SLIT2: variants seen among roughly 807,000 people sequenced by gnomAD.
The protein encoded by SLIT2 is slit homolog 2 protein.
SLIT2 carries 41 observed loss-of-function variants against 185.7 expected under a neutral mutation model. The observed-to-expected ratio is 0.22, with a 90% confidence interval of 0.17 to 0.29. The LOEUF is 0.29. Among genes scored for constraint, SLIT2 ranks in the 10% least tolerant of loss-of-function variants. The pLI is 1.00. For synonymous variants in SLIT2, 693 were observed against 680.2 expected (o/e 1.02, Z -0.29); for missense variants, 1,571 against 1,909.0 (o/e 0.82, Z 3.30).
In SLIT2 at chr4:20,374,047, T is replaced by C. The variant is rs145938242; in HGVS notation, c.396-93705T>C. Among the ~76,000 whole-genome samples the C allele has an allele frequency of 4.3e-3, 652 of 152,222 alleles. 3 individuals carry two copies. Among genetic ancestry groups the C allele is most frequent in the African/African-American group, 0.013 (560 of 41,554 alleles). Reference sequence around the variant, plus strand: ...CAATACAATTTAAACTGCCTAAGTGTGAATCTTGGCTCAGCCACTTTTGGA... The same window carrying C: ...CAATACAATTTAAACTGCCTAAGTGCGAATCTTGGCTCAGCCACTTTTGGA... On this transcript the variant is annotated intron_variant, in intron 4 of 36. Transcript: ENST00000504154.
chr4:20,425,372 T>C (rs1187283055), intron 4 of SLIT2, among the ~76,000 whole-genome samples: 1 of 152,012 alleles, frequency 6.6e-6, no homozygotes, highest in Non-Finnish European at 1.5e-5. Context: ...ATCAAAAAAA[T>C]AAATAAATAA....
chr4:20,507,314 G>A (rs1376783769), intron 9 of SLIT2, among the ~76,000 whole-genome samples: 1 of 151,858 alleles, frequency 6.6e-6, no homozygotes, highest in Non-Finnish European at 1.5e-5. Flanking sequence ...ATATTTGAGT[G>A]TCATTAGAAA....
intron 22 of SLIT2, 66 bp from the exon 23 acceptor site, chr4:20,548,422 T>C: frequency 2.4e-6 from 2 of 822,602 alleles, no homozygotes; most frequent in South Asian, 1.5e-5. Flanking sequence ...CCCTTCTCCT[T>C]CTAAGAATCA....
intron 4 of SLIT2, among the ~76,000 whole-genome samples, chr4:20,441,126 T>C (rs1019907661): frequency 1.2e-4 from 18 of 152,220 alleles, no homozygotes; most frequent in African/African-American, 9.6e-5. Context: ...CTTTTAATAC[T>C]GACTTTAAAT....
intron 4 of SLIT2, among the ~76,000 whole-genome samples, chr4:20,445,023 T>C (rs535625988): frequency 6.6e-6 from 1 of 152,308 alleles, no homozygotes; most frequent in East Asian, 1.9e-4. Context: ...CAATATCTCA[T>C]GCATCAAATG....
intron 4 of SLIT2, among the ~76,000 whole-genome samples, chr4:20,343,663 A>G (rs1229663073): frequency 6.6e-6 from 1 of 151,880 alleles, no homozygotes; most frequent in East Asian, 1.9e-4. Context: ...CACTGTGCTA[A>G]GCTAATTTTT....
chr4:20,384,006 A>G (rs1157156369), intron 4 of SLIT2, among the ~76,000 whole-genome samples: 1 of 152,068 alleles, frequency 6.6e-6, no homozygotes, highest in Admixed American at 6.6e-5. Flanking sequence ...ACACCCAGCC[A>G]GTGTTCCTAT....
chr4:20,404,173 A>G (rs1355984304), intron 4 of SLIT2, among the ~76,000 whole-genome samples: 1 of 152,024 alleles, frequency 6.6e-6, no homozygotes, highest in African/African-American at 2.4e-5. Flanking sequence ...GTCTGATGAT[A>G]CATTTTACAT....
At chr4:20,267,658 C>G (rs1713174440) in intron 3 of SLIT2, among the ~76,000 whole-genome samples, 1 of 151,802 alleles carries the variant, frequency 6.6e-6, no homozygotes, top group Admixed American at 6.6e-5. Flanking sequence ...TCTGTATAAT[C>G]AAATTTCTTA....
chr4:20,571,098 A>G (rs951298315), intron 29 of SLIT2, among the ~76,000 whole-genome samples: 5 of 152,070 alleles, frequency 3.3e-5, no homozygotes, highest in Non-Finnish European at 5.9e-5. Context: ...TCTTTGAAAC[A>G]TATCATAAAT....
At position 20,472,513 on chromosome 4, in the gene SLIT2, TAG is replaced by T. The variant is rs1491118693; in HGVS notation, c.467+4692_467+4693del. ...ATATAGATATATATCTATATATAGA[TAG>T]ATATATATCTATATATAGATATATC... On this transcript the variant is annotated intron_variant, in intron 5 of 36. Coordinates refer to ENST00000504154, the MANE Select transcript of SLIT2 (RefSeq NM_004787.4). 4.3e-4 allele frequency among the ~76,000 whole-genome samples: 12 copies of T among 27,954 alleles called. 4 individuals are homozygous for T. The highest frequency in any genetic ancestry group is 2.5e-3 in the African/African-American group (12 of 4,888). 18.3% of individuals were successfully genotyped at this position (27,954 alleles called of 152,430 possible). A position where few individuals can be genotyped will look rare whatever the true frequency, so the allele number is the denominator to read the frequency against.
chr4:20,313,440 C>A (rs889372181), intron 4 of SLIT2, among the ~76,000 whole-genome samples: 9 of 152,224 alleles, frequency 5.9e-5, no homozygotes, highest in Admixed American at 4.6e-4. Flanking sequence ...CATGAGGGAC[C>A]CACCCCTGTC....
chr4:20,275,592 C>T (rs1012935963), intron 4 of SLIT2, among the ~76,000 whole-genome samples: 3 of 152,090 alleles, frequency 2.0e-5, no homozygotes, highest in Non-Finnish European at 2.9e-5. Context: ...TGTAGTAACA[C>T]GTAAATATGT....
chr4:20,545,953 G>C (rs748978250), intron 21 of SLIT2, 78 bp from the exon 22 acceptor site: 13 of 710,750 alleles, frequency 1.8e-5, no homozygotes, highest in Admixed American at 2.9e-5. Context: ...CCTCAGTTAA[G>C]AGTGAAGTAC....
chr4:20,368,512 T>G (rs1723320248), intron 4 of SLIT2, among the ~76,000 whole-genome samples: 1 of 152,046 alleles, frequency 6.6e-6, no homozygotes, highest in South Asian at 2.1e-4. Context: ...TGTTAACACC[T>G]AAAGTAGGTG....
intron 4 of SLIT2, among the ~76,000 whole-genome samples, chr4:20,344,434 C>T (rs150134372): frequency 6.6e-6 from 1 of 152,074 alleles, no homozygotes; most frequent in South Asian, 2.1e-4. Context: ...TTCTCTCGGT[C>T]TCTCTCTTTC....
At chr4:20,336,326 A>G (rs1249284052) in intron 4 of SLIT2, among the ~76,000 whole-genome samples, 1 of 152,212 alleles carries the variant, frequency 6.6e-6, no homozygotes, top group Non-Finnish European at 1.5e-5. Context: ...TGTGGCACAT[A>G]TACACCATGG....
intron 29 of SLIT2, among the ~76,000 whole-genome samples, chr4:20,575,449 A>G (rs1321079893): frequency 6.6e-6 from 1 of 152,204 alleles, no homozygotes; most frequent in Non-Finnish European, 1.5e-5. Flanking sequence ...TATGTGAACA[A>G]CACAAAGGTG....
chr4:20,605,036 A>G (rs1409953920), intron 33 of SLIT2, among the ~76,000 whole-genome samples: 2 of 151,860 alleles, frequency 1.3e-5, no homozygotes, highest in Admixed American at 6.6e-5. Flanking sequence ...GGGTTTCGCC[A>G]TCTTGGCCAG....
Sources: allele counts gnomAD v4.1 joint callset (sites outside exome capture counted in the v4.1 genomes callset), GRCh38; gene constraint gnomAD v4.1.1; transcripts MANE v1.5; gene names NCBI Gene and HGNC (gene_info 2026-07-23, HGNC 2026-07-21).